GPR158: variants seen among roughly 807,000 people sequenced by gnomAD.
GPR158 encodes the protein G protein-coupled receptor 158.
GPR158 carries 30 observed loss-of-function variants against 78.2 expected under a neutral mutation model. The ratio of observed to expected loss-of-function variants is 0.38; its 90% confidence interval spans 0.29 to 0.52. The LOEUF (loss-of-function observed/expected upper bound fraction) is 0.52, where lower values mean the gene tolerates loss of function less well. Ranked by LOEUF, GPR158 falls within the 20% of genes least tolerant of loss-of-function variation. The pLI is 0.83. For missense variants in GPR158, 1,463 were observed against 1,523.5 expected (o/e 0.96, Z 0.66); for synonymous variants, 581 against 591.1 (o/e 0.98, Z 0.25).
intron 5 of GPR158, among the ~76,000 whole-genome samples, chr10:25,497,247 T>C (rs1835894272): frequency 6.6e-6 from 1 of 152,164 alleles, no homozygotes; most frequent in African/African-American, 2.4e-5. Flanking sequence ...AGATGCTCTT[T>C]GAATAAAGTG....
intron 5 of GPR158, among the ~76,000 whole-genome samples, chr10:25,531,612 C>T (rs151041117): frequency 7.4e-6 from 1 of 135,364 alleles, no homozygotes; most frequent in East Asian, 2.5e-4. Context: ...GTGGCTCCCT[C>T]GTCATAGGAT....
intron 5 of GPR158, among the ~76,000 whole-genome samples, chr10:25,493,973 T>C (rs1835845550): frequency 6.6e-6 from 1 of 152,160 alleles, no homozygotes; most frequent in African/African-American, 2.4e-5. Context: ...CCCTGTAAGA[T>C]TTAAGTCATT....
At chr10:25,241,524 G>T (rs565360310) in intron 2 of GPR158, among the ~76,000 whole-genome samples, 1 of 151,256 alleles carries the variant, frequency 6.6e-6, no homozygotes, top group African/African-American at 2.4e-5. Context: ...GGGTTCAAGC[G>T]ATTTTCCTGC....
chr10:25,389,974 T>A (rs573538188), intron 2 of GPR158, among the ~76,000 whole-genome samples: 2 of 152,316 alleles, frequency 1.3e-5, no homozygotes, highest in Non-Finnish European at 2.9e-5. Context: ...TCCATGCTGT[T>A]CTCATGATAG....
chr10:25,444,821 G>T (rs1835119251), intron 4 of GPR158, among the ~76,000 whole-genome samples: 1 of 152,062 alleles, frequency 6.6e-6, no homozygotes, highest in African/African-American at 2.4e-5. Flanking sequence ...TCATAATTTT[G>T]ATGTACAGTT....
At chr10:25,391,673 G>A (rs1789568159) in intron 2 of GPR158, among the ~76,000 whole-genome samples, 1 of 152,114 alleles carries the variant, frequency 6.6e-6, no homozygotes, top group Non-Finnish European at 1.5e-5. Flanking sequence ...TAGGTGGAGG[G>A]GGCTTACCTT....
chr10:25,459,816 G>GGTT (rs1835333921), intron 4 of GPR158, among the ~76,000 whole-genome samples: 1 of 152,026 alleles, frequency 6.6e-6, no homozygotes, highest in Non-Finnish European at 1.5e-5. Flanking sequence ...ATAGAAATGA[G>GGTT]TATAATATAA....
intron 2 of GPR158, among the ~76,000 whole-genome samples, chr10:25,304,708 A>T (rs938738124): frequency 1.1e-4 from 17 of 152,288 alleles, no homozygotes; most frequent in African/African-American, 3.8e-4. Flanking sequence ...CGACGAACTT[A>T]AGCAGTTTGT....
chr10:25,311,002 A>G (rs1854756532), intron 2 of GPR158, among the ~76,000 whole-genome samples: 1 of 151,976 alleles, frequency 6.6e-6, no homozygotes, highest in Non-Finnish European at 1.5e-5. Context: ...GCTCGCCTTT[A>G]TCATTTACTG....
intron 5 of GPR158, among the ~76,000 whole-genome samples, chr10:25,539,798 A>C (rs550829062): frequency 4.8e-4 from 73 of 152,330 alleles, no homozygotes; most frequent in African/African-American, 1.7e-3. Flanking sequence ...ATAAATGTAA[A>C]GCTGCATTAG....
chr10:25,207,106 T>A (rs1312014252), intron 1 of GPR158, among the ~76,000 whole-genome samples: 2 of 151,986 alleles, frequency 1.3e-5, no homozygotes, highest in Non-Finnish European at 2.9e-5. Flanking sequence ...CAGAAGGAAA[T>A]CTGCTCTTTG....
chr10:25,326,990 G>A (rs1182500469), intron 2 of GPR158, among the ~76,000 whole-genome samples: 2 of 152,014 alleles, frequency 1.3e-5, no homozygotes, highest in African/African-American at 2.4e-5. Context: ...TAAAAATGCC[G>A]TGTAAGCCAA....
chr10:25,499,134 A>G (rs1353698145), intron 5 of GPR158, among the ~76,000 whole-genome samples: 4 of 152,260 alleles, frequency 2.6e-5, no homozygotes, highest in East Asian at 1.9e-4. Flanking sequence ...AAAAGTCGAT[A>G]TATTTCATTT....
intron 2 of GPR158, among the ~76,000 whole-genome samples, chr10:25,359,423 G>A (rs35795202): frequency 0.1 from 15,134 of 151,734 alleles, 1,875 homozygotes; most frequent in African/African-American, 0.3. Flanking sequence ...CCCAACCCCT[G>A]ACAGGCCTGA....
chr10:25,355,155 T>A (rs1481229278), intron 2 of GPR158, among the ~76,000 whole-genome samples: 1 of 151,206 alleles, frequency 6.6e-6, no homozygotes, highest in Admixed American at 6.6e-5. Flanking sequence ...CTTCTAGATC[T>A]TGCTTAACTC....
At chr10:25,366,907 G>A (rs1285850413) in intron 2 of GPR158, among the ~76,000 whole-genome samples, 1 of 151,622 alleles carries the variant, frequency 6.6e-6, no homozygotes, top group Non-Finnish European at 1.5e-5. Flanking sequence ...ACATTGGCAT[G>A]TCTATCTTTT....
At chr10:25,316,930 T>TGC (rs1398015076) in intron 2 of GPR158, among the ~76,000 whole-genome samples, 3 of 93,078 alleles carry the variant, frequency 3.2e-5, no homozygotes, top group Non-Finnish European at 5.9e-5. Context: ...TGTGTATGTG[T>TGC]GTGTATATAT....
intron 2 of GPR158, among the ~76,000 whole-genome samples, chr10:25,370,969 T>C (rs1443672528): frequency 3.3e-5 from 5 of 149,540 alleles, no homozygotes; most frequent in African/African-American, 9.9e-5. Flanking sequence ...AAGTCTGTTT[T>C]ATCAGAGACT....
At chr10:25,381,233 A>G (rs1834150124) in intron 2 of GPR158, among the ~76,000 whole-genome samples, 2 of 152,344 alleles carry the variant, frequency 1.3e-5, no homozygotes, top group South Asian at 4.1e-4. Context: ...TAACCTGAAA[A>G]TAGCTAATAG....
Sources: allele counts gnomAD v4.1 joint callset (sites outside exome capture counted in the v4.1 genomes callset), GRCh38; gene constraint gnomAD v4.1.1; transcripts MANE v1.5; gene names NCBI Gene and HGNC (gene_info 2026-07-23, HGNC 2026-07-21).